RIMOC1: variants seen among roughly 807,000 people sequenced by gnomAD.
RIMOC1 encodes RAB7A-interacting MON1-CCZ1 complex subunit 1.
At chr5:41,915,049 CT>C in the RIMOC1 span, among the ~76,000 whole-genome samples, 31 of 152,144 alleles carry the variant, frequency 2.0e-4, no homozygotes, top group South Asian at 3.5e-3. Flanking sequence ...GTTTTTGTTA[CT>C]TTTTCTAAGG....
the RIMOC1 span, among the ~76,000 whole-genome samples, chr5:41,909,098 T>C: frequency 6.6e-6 from 1 of 152,174 alleles, no homozygotes; most frequent in Non-Finnish European, 1.5e-5. Flanking sequence ...TAAAATTGAC[T>C]TGTCTTTGGT....
chr5:41,917,534 A>G, the RIMOC1 span: 573 of 1,188,688 alleles, frequency 4.8e-4, 2 homozygotes, highest in African/African-American at 7.6e-3. Context: ...ACCTTAAAAT[A>G]CAGATGTTAT....
chr5:41,917,085 A>G, the RIMOC1 span: 1 of 1,613,726 alleles, frequency 6.2e-7, no homozygotes. Context: ...GGATCGAAGT[A>G]TTGTGCTGAT....
At chr5:41,920,102 T>G in the RIMOC1 span, 2 of 152,140 alleles carry the variant, frequency 1.3e-5, no homozygotes, top group Non-Finnish European at 2.9e-5. Context: ...GTTTAGATTC[T>G]GAACCTGAGA....
the RIMOC1 span, among the ~76,000 whole-genome samples, chr5:41,904,730 G>A: frequency 6.6e-6 from 1 of 152,176 alleles, no homozygotes; most frequent in Non-Finnish European, 1.5e-5. Context: ...GGTGTAAACT[G>A]TCTCGGTAGC....
the RIMOC1 span, among the ~76,000 whole-genome samples, chr5:41,915,415 A>G: frequency 2.0e-5 from 3 of 152,236 alleles, no homozygotes; most frequent in African/African-American, 7.2e-5. Context: ...ACATACAGTT[A>G]GAAAGAAGGA....
At chr5:41,906,431 CAT>C in the RIMOC1 span, among the ~76,000 whole-genome samples, 1 of 152,150 alleles carries the variant, frequency 6.6e-6, no homozygotes. Context: ...ATTTATGTGA[CAT>C]ACTCTTTCAG....
chr5:41,913,339 G>C, the RIMOC1 span, among the ~76,000 whole-genome samples: 9 of 152,214 alleles, frequency 5.9e-5, no homozygotes, highest in African/African-American at 2.2e-4. Flanking sequence ...TAAGAAGGGG[G>C]TATTGGGGAG....
chr5:41,917,320 C>G, the RIMOC1 span: 60 of 1,556,902 alleles, frequency 3.9e-5, no homozygotes, highest in Non-Finnish European at 5.1e-5. Context: ...TAGTCCTTTT[C>G]AAATAGAAAA....
chr5:41,907,828 G>C, the RIMOC1 span: 2 of 1,603,186 alleles, frequency 1.2e-6, no homozygotes, highest in South Asian at 2.2e-5. Context: ...AAATCTTCTA[G>C]AACTTTACAC....
the RIMOC1 span, among the ~76,000 whole-genome samples, chr5:41,905,536 CTGGGATTACAGGCG>C: frequency 6.6e-6 from 1 of 152,204 alleles, no homozygotes; most frequent in Admixed American, 6.5e-5. Context: ...TCCCAAAGTG[CTGGGATTACAGGCG>C]TGAGCCACTG....
the RIMOC1 span, chr5:41,917,202 A>C: frequency 6.2e-7 from 1 of 1,613,838 alleles, no homozygotes; most frequent in Non-Finnish European, 8.5e-7. Context: ...ATCTTGAAAA[A>C]GTATGTATCT....
At chr5:41,914,785 A>G in the RIMOC1 span, among the ~76,000 whole-genome samples, 6 of 152,042 alleles carry the variant, frequency 3.9e-5, no homozygotes, top group African/African-American at 1.2e-4. Context: ...AAAGAAAAAA[A>G]GGCTGCTTTG....
At chr5:41,920,406 C>G in the RIMOC1 span, 1 of 152,166 alleles carries the variant, frequency 6.6e-6, no homozygotes, top group Non-Finnish European at 1.5e-5. Context: ...AAGGAAAGTA[C>G]TACACTAAAT....
At chr5:41,911,054 A>C in the RIMOC1 span, 1 of 1,609,684 alleles carries the variant, frequency 6.2e-7, no homozygotes, top group African/African-American at 1.3e-5. Context: ...TCAGCACTGC[A>C]ATTTGCTTGG....
At chr5:41,909,860 A>G in the RIMOC1 span, 1 of 1,580,912 alleles carries the variant, frequency 6.3e-7, no homozygotes, top group Non-Finnish European at 8.6e-7. Context: ...AGAACCAGAA[A>G]TTTTAGTAAA....
the RIMOC1 span, chr5:41,917,217 G>A: frequency 1.2e-6 from 2 of 1,613,708 alleles, no homozygotes; most frequent in Non-Finnish European, 1.7e-6. Flanking sequence ...GTATCTGTGT[G>A]TGAAGGACCC....
the RIMOC1 span, among the ~76,000 whole-genome samples, chr5:41,916,776 A>G: frequency 6.6e-6 from 1 of 152,216 alleles, no homozygotes; most frequent in Admixed American, 6.5e-5. Flanking sequence ...GGTTCTCTAA[A>G]AAAATTCTCT....
chr5:41,909,016 A>T, the RIMOC1 span, among the ~76,000 whole-genome samples: 18 of 152,258 alleles, frequency 1.2e-4, no homozygotes, highest in African/African-American at 3.6e-4. Flanking sequence ...TTTTACTCCA[A>T]CAAGGAACTT....
Sources: gnomAD v4.1 joint callset for allele counts (sites outside exome capture counted in the v4.1 genomes callset) on GRCh38, gnomAD v4.1.1 for gene constraint, MANE v1.5 for transcripts, NCBI Gene and HGNC (gene_info 2026-07-23, HGNC 2026-07-21) for gene names.